Variants in OR8B2 observed in about 807,000 individuals in gnomAD.
The protein encoded by OR8B2 is olfactory receptor family 8 subfamily B member 2, also known as olfactory receptor 8B2.
For synonymous variants in OR8B2, 98 were observed against 138.2 expected, an observed-to-expected ratio of 0.71 and a Z score of 2.04; for missense variants, 304 against 379.6, an observed-to-expected ratio of 0.80 and a Z score of 1.65.
the OR8B2 span, among the ~76,000 whole-genome samples, chr11:124,390,440 C>G: frequency 2.6e-5 from 4 of 152,256 alleles, no homozygotes; most frequent in South Asian, 8.3e-4. Context: ...AATACACTAG[C>G]ACCAATGATA....
the OR8B2 span, chr11:124,396,376 T>G: frequency 5.2e-6 from 8 of 1,541,110 alleles, no homozygotes; most frequent in Non-Finnish European, 6.1e-6. Context: ...AAATTTAAAG[T>G]TCTTCAATCG....
At chr11:124,393,067 A>G in the OR8B2 span, among the ~76,000 whole-genome samples, 1 of 145,570 alleles carries the variant, frequency 6.9e-6, no homozygotes, top group Non-Finnish European at 1.5e-5. Flanking sequence ...CCATATGTAG[A>G]AAGCTGAAAC....
At chr11:124,396,164 G>T in the OR8B2 span, 86 of 404,326 alleles carry the variant, frequency 2.1e-4, no homozygotes, top group Middle Eastern at 1.3e-3. Context: ...GATATAAAAT[G>T]ATAATGAAAA....
chr11:124,387,733 G>C (rs1288096375), upstream of OR8B2, among the ~76,000 whole-genome samples: 1 of 144,168 alleles, frequency 6.9e-6, no homozygotes, highest in Non-Finnish European at 1.5e-5. Context: ...GGTTGACTTG[G>C]TGATGCGGGC....
intron 1 of OR8B2, among the ~76,000 whole-genome samples, chr11:124,383,836 A>G (rs895779343): frequency 2.0e-5 from 3 of 152,288 alleles, no homozygotes; most frequent in East Asian, 1.9e-4. Flanking sequence ...ATACCTTACT[A>G]TAAGAATCCA....
At chr11:124,390,045 T>C in the OR8B2 span, among the ~76,000 whole-genome samples, 1 of 152,038 alleles carries the variant, frequency 6.6e-6, no homozygotes, top group African/African-American at 2.4e-5. Flanking sequence ...CCCTGTAGGA[T>C]TGGCGCTTGA....
At chr11:124,386,732 C>A (rs1215173511), upstream of OR8B2, among the ~76,000 whole-genome samples, 2 of 151,936 alleles carry the variant, frequency 1.3e-5, no homozygotes, top group African/African-American at 4.8e-5. Flanking sequence ...GTGCATGTGT[C>A]TTTATAGCAG....
upstream of OR8B2, among the ~76,000 whole-genome samples, chr11:124,386,077 T>C (rs1179510787): frequency 6.6e-6 from 1 of 152,172 alleles, no homozygotes; most frequent in Non-Finnish European, 1.5e-5. Context: ...TTCCCAGTTC[T>C]ATCATAGGGT....
chr11:124,382,940 G>A lies in OR8B2; in HGVS notation c.404C>T (p.Thr135Ile). ...CATAGAACAGACCTGATGGGACATG[G>A]TGACCTTATACAGCAATGGATTACA... ...AICNPLLYKVTMSHQVCSMLT... is the reference protein window; with the variant it reads ...AICNPLLYKVIMSHQVCSMLT... The change falls in exon 2 of 2, where the codon ACC (threonine) becomes ATC (isoleucine). Residue 135 changes from threonine to isoleucine, a missense_variant. Transcript: ENST00000641451. 2 of 1,611,970 alleles carry A rather than the reference G, an allele frequency of 1.2e-6. No homozygotes were observed. The highest frequency in any genetic ancestry group is 1.7e-6 in the Non-Finnish European group (2 of 1,178,790).
Position 124,382,496 on chromosome 11 carries a change from A to C in OR8B2, c.848T>G (p.Met283Arg). Residue 283 changes from methionine (M) to arginine (R), a missense_variant, in exon 2 of 2, where the codon ATG becomes AGG. Met to Arg is a moderately conservative substitution (Grantham distance 91). Transcript: ENST00000641451. ...SSVFYTNVVP[M>R]LNPLIYSLRN... ...CAAACTGTAGATGAGGGGATTGAGCATGGGCACCACATTAGTGTAGAAAAC... is the reference window on the plus strand; with the variant it reads ...CAAACTGTAGATGAGGGGATTGAGCCTGGGCACCACATTAGTGTAGAAAAC... 1.2e-6 allele frequency: 2 copies of C among 1,614,082 alleles called. No individual in the cohort carries two copies. The highest frequency in any genetic ancestry group is 2.2e-5 in the South Asian group (2 of 91,072).
chr11:124,390,706 G>T, the OR8B2 span, among the ~76,000 whole-genome samples: 3 of 151,770 alleles, frequency 2.0e-5, no homozygotes, highest in Non-Finnish European at 4.4e-5. Flanking sequence ...GCCTGTGTTT[G>T]CCTATGAGAA....
the OR8B2 span, chr11:124,396,294 G>T: frequency 1.1e-6 from 1 of 933,578 alleles, no homozygotes; most frequent in Non-Finnish European, 1.6e-6. Context: ...GAAATGATAA[G>T]ACAAGTTTAT....
the OR8B2 span, chr11:124,396,228 T>A: frequency 1.7e-6 from 1 of 584,442 alleles, no homozygotes; most frequent in Non-Finnish European, 2.9e-6. Context: ...TTAGTAAAAT[T>A]GTGAGAAGTG....
chr11:124,387,414 C>A (rs1266095066), upstream of OR8B2, among the ~76,000 whole-genome samples: 1 of 151,986 alleles, frequency 6.6e-6, no homozygotes, highest in Non-Finnish European at 1.5e-5. Flanking sequence ...AGTCTTTAAT[C>A]CATCTTGAAT....
rs777252254 is a variant in OR8B2, at chr11:124,382,403, T to C, written c.941A>G (p.Ter314=). The change falls in exon 2 of 2, where the codon TAA becomes TGA. Residue 314 remains the stop codon, a stop_retained_variant. Coordinates refer to ENST00000641451, the MANE Select transcript of OR8B2 (RefSeq NM_001005468.2). ...LIKIQRRNIF[*] is the part of the protein sequence containing the mutation. ...GTTTTACATCATTACTGCTTCTAAT[T>C]AGAATATATTTCTCCTCTGAATTTT... is the stretch of plus-strand genomic sequence containing the variant. 4.4e-6 allele frequency: 7 copies of C among 1,592,354 alleles called. No individual in the cohort carries two copies. The highest frequency in any genetic ancestry group is 6.0e-6 in the Non-Finnish European group (7 of 1,172,814).
chr11:124,396,190 T>A, the OR8B2 span: 2 of 510,394 alleles, frequency 3.9e-6, no homozygotes, highest in Middle Eastern at 5.2e-4. Flanking sequence ...AGTGCATATG[T>A]TCCTTTTACA....
intron 1 of OR8B2, among the ~76,000 whole-genome samples, chr11:124,383,988 C>T (rs648321): frequency 0.32 from 49,169 of 151,406 alleles, 7,813 homozygotes; most frequent in African/African-American, 0.39. Context: ...GCTGAATGTG[C>T]TTTCACAGGT....
the OR8B2 span, among the ~76,000 whole-genome samples, chr11:124,394,972 C>G: frequency 6.6e-6 from 1 of 152,026 alleles, no homozygotes; most frequent in South Asian, 2.1e-4. Context: ...GAGGATGAAG[C>G]AGGAAGATTG....
chr11:124,396,668 G>C, the OR8B2 span: 5 of 1,613,314 alleles, frequency 3.1e-6, no homozygotes, highest in Non-Finnish European at 4.2e-6. Context: ...GAGTGGATTT[G>C]ATATGAAGAA....
Sources: allele counts gnomAD v4.1 joint callset (sites outside exome capture counted in the v4.1 genomes callset), GRCh38; gene constraint gnomAD v4.1.1; transcripts MANE v1.5; gene names NCBI Gene and HGNC (gene_info 2026-07-23, HGNC 2026-07-21).